P3H2: variants seen among roughly 807,000 people sequenced by gnomAD.
P3H2 encodes the protein prolyl 3-hydroxylase 2, also known as leprecan-like 1.
Under a neutral mutation model 87.0 loss-of-function variants are expected in P3H2, and 80 were observed. The ratio of observed to expected loss-of-function variants is 0.92; its 90% confidence interval spans 0.77 to 1.11. The LOEUF is 1.11. P3H2 is among the 50% of genes least tolerant of loss of function. P3H2 has a pLI of 0.00. For missense variants in P3H2, 1,001 were observed against 923.9 expected, an observed-to-expected ratio of 1.08 and a Z score of -1.08; for synonymous variants, 367 against 359.3, an observed-to-expected ratio of 1.02 and a Z score of -0.24.
chr3:189,990,327 G>C (rs2108921142), intron 3 of P3H2, among the ~76,000 whole-genome samples: 1 of 152,176 alleles, frequency 6.6e-6, no homozygotes, highest in East Asian at 1.9e-4. Flanking sequence ...TAAATAACCA[G>C]CTGTTTCATT....
At chr3:190,049,650 C>A (rs1049743341) in intron 1 of P3H2, among the ~76,000 whole-genome samples, 4 of 152,066 alleles carry the variant, frequency 2.6e-5, no homozygotes, top group South Asian at 4.1e-4. Flanking sequence ...AAAATTGTCA[C>A]CTATCTATAA....
At chr3:189,975,510 G>C (rs1264043671) in intron 8 of P3H2, among the ~76,000 whole-genome samples, 1 of 152,134 alleles carries the variant, frequency 6.6e-6, no homozygotes, top group Admixed American at 6.5e-5. Flanking sequence ...ACCAGAAAAT[G>C]GAACAGAAAA....
intron 1 of P3H2, among the ~76,000 whole-genome samples, chr3:190,074,139 G>A (rs1215463586): frequency 6.6e-6 from 1 of 152,106 alleles, no homozygotes; most frequent in African/African-American, 2.4e-5. Flanking sequence ...TTCAGTTTCT[G>A]GATTAGTAAA....
chr3:189,990,722 A>G (rs1372376444), intron 3 of P3H2, among the ~76,000 whole-genome samples: 3 of 152,262 alleles, frequency 2.0e-5, no homozygotes, highest in African/African-American at 7.2e-5. Flanking sequence ...ATTTTGAAGC[A>G]GACAAGAATT....
chr3:189,963,105 G>C (rs966909700), intron 14 of P3H2, among the ~76,000 whole-genome samples: 6 of 152,140 alleles, frequency 3.9e-5, no homozygotes, highest in African/African-American at 2.4e-5. Flanking sequence ...TCCTTGTGTG[G>C]AGCCCAAATT....
At chr3:190,001,233 G>GC (rs1560356572) in intron 1 of P3H2, among the ~76,000 whole-genome samples, 20 of 152,290 alleles carry the variant, frequency 1.3e-4, no homozygotes, top group African/African-American at 3.9e-4. Flanking sequence ...AGAACAACTT[G>GC]TAAGGCACGT....
chr3:190,067,891 T>C (rs1726564558), intron 1 of P3H2, among the ~76,000 whole-genome samples: 1 of 152,066 alleles, frequency 6.6e-6, no homozygotes, highest in Non-Finnish European at 1.5e-5. Flanking sequence ...AATATTTAAG[T>C]TGAAAAATGA....
intron 1 of P3H2, among the ~76,000 whole-genome samples, chr3:190,076,912 T>G (rs1206842618): frequency 6.6e-6 from 1 of 152,198 alleles, no homozygotes; most frequent in Non-Finnish European, 1.5e-5. Flanking sequence ...TCCAGCTTAG[T>G]CTTTTGGAGG....
intron 1 of P3H2, among the ~76,000 whole-genome samples, chr3:190,085,940 A>G (rs1727197709): frequency 6.6e-6 from 1 of 152,184 alleles, no homozygotes; most frequent in Admixed American, 6.5e-5. Context: ...ATTTCACTGG[A>G]CAGGTAAAGA....
At chr3:190,014,976 T>C (rs182517299) in intron 1 of P3H2, among the ~76,000 whole-genome samples, 1 of 152,196 alleles carries the variant, frequency 6.6e-6, no homozygotes, top group Non-Finnish European at 1.5e-5. Context: ...TGCTGCTTCA[T>C]CTGTAAAATG....
At chr3:190,003,485 C>T (rs1296331338) in intron 1 of P3H2, among the ~76,000 whole-genome samples, 1 of 130,902 alleles carries the variant, frequency 7.6e-6, no homozygotes, top group East Asian at 2.2e-4. Flanking sequence ...AAATGAAATG[C>T]CCTTGATGTT....
intron 1 of P3H2, among the ~76,000 whole-genome samples, chr3:190,072,847 G>T (rs974481563): frequency 2.6e-5 from 4 of 152,150 alleles, no homozygotes; most frequent in Non-Finnish European, 5.9e-5. Context: ...ATTAGTTCTG[G>T]ATGATGATGT....
chr3:190,064,930 A>C (rs58501224), intron 1 of P3H2, among the ~76,000 whole-genome samples: 16,623 of 152,130 alleles, frequency 0.11, 1,043 homozygotes, highest in Middle Eastern at 0.22. Flanking sequence ...AGTAGACTGC[A>C]GGGGCTGTTC....
chr3:189,957,353 A>C lies in P3H2; in HGVS notation c.*559T>G. The C allele has an allele frequency of 5.0e-6, 2 of 400,934 alleles. No individual in the cohort carries two copies. The allele number at this position is 400,934 out of a possible 1,614,324, so 24.8% of individuals were successfully genotyped here. A position where few individuals can be genotyped will look rare whatever the true frequency, so the allele number is the denominator to read the frequency against. ...GGGCTTCAGAGACCAGGCACAGGTT[A>C]ATTTTAGAACTGGAGCACACGTGAG... On this transcript the variant is annotated 3_prime_UTR_variant, in exon 15 of 15. Transcript: ENST00000319332.
intron 1 of P3H2, among the ~76,000 whole-genome samples, chr3:190,000,628 A>G (rs1375601402): frequency 2.0e-5 from 3 of 152,222 alleles, no homozygotes; most frequent in Non-Finnish European, 4.4e-5. Flanking sequence ...GAGACCTAAA[A>G]GTTGAGAAGC....
intron 1 of P3H2, among the ~76,000 whole-genome samples, chr3:190,072,840 A>T (rs957765049): frequency 5.9e-5 from 9 of 152,236 alleles, no homozygotes; most frequent in Admixed American, 1.3e-4. Flanking sequence ...ATCCATGATT[A>T]GTTCTGGATG....
At chr3:190,009,427 C>T (rs149845810) in intron 1 of P3H2, among the ~76,000 whole-genome samples, 101 of 152,186 alleles carry the variant, frequency 6.6e-4, no homozygotes, top group African/African-American at 2.4e-3. Flanking sequence ...CTGAGCAATG[C>T]GTGGCAGTAT....
chr3:189,989,415 C>T (rs761391898), intron 3 of P3H2, among the ~76,000 whole-genome samples: 3 of 151,942 alleles, frequency 2.0e-5, no homozygotes, highest in Non-Finnish European at 4.4e-5. Context: ...TTGGATGGCT[C>T]GAAGTGCCCT....
At chr3:190,078,038 T>C (rs1577312398) in intron 1 of P3H2, among the ~76,000 whole-genome samples, 2 of 152,150 alleles carry the variant, frequency 1.3e-5, no homozygotes, top group South Asian at 4.1e-4. Flanking sequence ...CCCTTCCTAT[T>C]GCTTTCAACA....
Sources: gnomAD v4.1 joint callset for allele counts (sites outside exome capture counted in the v4.1 genomes callset) on GRCh38, gnomAD v4.1.1 for gene constraint, MANE v1.5 for transcripts, NCBI Gene and HGNC (gene_info 2026-07-23, HGNC 2026-07-21) for gene names.